The following C3AR1 variants were observed in gnomAD, a reference collection of about 807,000 sequenced individuals.
The protein encoded by C3AR1 is complement C3a receptor 1, also known as C3a anaphylatoxin chemotactic receptor.
For missense variants in C3AR1, 579 were observed against 583.5 expected (o/e 0.99, Z 0.08); for synonymous variants, 208 against 225.3 (o/e 0.92, Z 0.69).
Position 8,060,119 on chromosome 12 carries a change from C to T in C3AR1, c.67G>A (p.Val23Ile), listed in dbSNP as rs767599737. 3.1e-6 allele frequency: 5 copies of T among 1,614,066 alleles called. No homozygotes were observed. In the South Asian group the frequency reaches 5.5e-5, roughly 18 times the overall value. The change falls in exon 2 of 2, where the codon GTA becomes ATA. Residue 23 changes from valine (V) to isoleucine (I), a missense_variant. Transcript: ENST00000307637. ...LLSQPWNEPP[V>I]ILSMVILSLT... Reference sequence around the variant, plus strand: ...CTGAGAATGACCATGGAGAGAATTACTGGGGGCTCATTCCATGGCTGTGAG... The same window carrying T: ...CTGAGAATGACCATGGAGAGAATTATTGGGGGCTCATTCCATGGCTGTGAG...
At chr12:8,063,117 C>T (rs754982710) in intron 1 of C3AR1, among the ~76,000 whole-genome samples, 1 of 151,006 alleles carries the variant, frequency 6.6e-6, no homozygotes, top group Non-Finnish European at 1.5e-5. Context: ...ACCACCACGC[C>T]CGGCTAATTT....
rs142478022 is a variant in C3AR1, at chr12:8,059,715, C to T, written c.471G>A (p.Val157=). 5.9e-5 allele frequency: 95 copies of T among 1,614,130 alleles called. No individual in the cohort carries two copies. The East Asian group carries it at 2.1e-3, about 36-fold the overall frequency. Residue 157 remains valine, a synonymous_variant, in exon 2 of 2, where the codon GTG becomes GTA. Transcript: ENST00000307637. ...TAGTGAAGATTTCCCGGTACACGAA[C>T]ACAGGAATGCACATCACAAAAGCCA... ...WVVAFVMCIP[V]FVYREIFTTD... is the part of the protein sequence containing the mutation.
rs1031618961 is a variant in C3AR1, at chr12:8,057,971, G to A, written c.*766C>T. On this transcript the variant is annotated 3_prime_UTR_variant, in exon 2 of 2. Transcript: ENST00000307637. ...AGGAGTGGAAAATAGGTGCCCAACC[G>A]GTAGGCAGTTAGAAGAAACAGAACT... Among the ~76,000 whole-genome samples, 2 of 152,156 alleles carry A rather than the reference G, an allele frequency of 1.3e-5. No homozygotes were observed. The highest frequency in any genetic ancestry group is 4.8e-5 in the African/African-American group (2 of 41,424).
chr12:8,059,789 G>T lies in C3AR1; in HGVS notation c.397C>A (p.His133Asn). 6.2e-7 allele frequency: 1 copy of T among 1,614,132 alleles called. No homozygotes were observed. Among genetic ancestry groups the T allele is most frequent in the Non-Finnish European group, 8.5e-7 (1 of 1,180,026 alleles). ...GAGCAGGCCATCCCTACATTGCGAT[G>T]ATTCTGACACCAGATTGGCTTGAAT... ...VVFKPIWCQNHRNVGMACSIC... is the reference protein window; with the variant it reads ...VVFKPIWCQNNRNVGMACSIC... Residue 133 changes from histidine to asparagine, a missense_variant, in exon 2 of 2, where the codon CAT becomes AAT. His to Asn is a moderately conservative substitution (Grantham distance 68). Transcript: ENST00000307637.
In C3AR1 at chr12:8,066,313, C is replaced by G. The variant is rs1180660258; in HGVS notation, c.-46G>C. 6.6e-6 allele frequency: 1 copy of G among 152,182 alleles called. No individual in the cohort carries two copies. Among genetic ancestry groups the G allele is most frequent in the African/African-American group, 2.4e-5 (1 of 41,438 alleles). The allele number at this position is 152,182 out of a possible 1,614,324, so 9.4% of individuals were successfully genotyped here. ...AGACAGTAGCTGAAGGCTTCAGCAC[C>G]TGGATGTCTCCACGAGTCCTGTCTG... On this transcript the variant is annotated 5_prime_UTR_variant, in exon 1 of 2. Coordinates refer to ENST00000307637, the MANE Select transcript of C3AR1 (RefSeq NM_004054.4).
At position 8,064,131 on chromosome 12, in the gene C3AR1, C is replaced by CT. The variant is rs886868009; in HGVS notation, c.-11+2146dup. Among the ~76,000 whole-genome samples the CT allele has an allele frequency of 4.0e-5, 6 of 151,364 alleles. No homozygotes were observed. In the East Asian group the frequency reaches 1.2e-3, roughly 29 times the overall value. On this transcript the variant is annotated intron_variant, in intron 1 of 1. Transcript: ENST00000307637. ...GATGGATGCCCATTTTGGGGGTTGA[C>CT]TTTTTTTTTCTTTTGCAATTACATC...
rs1297907278 is a variant in C3AR1, at chr12:8,058,680, A to C, written c.*57T>G. The C allele has an allele frequency of 7.2e-6, 11 of 1,534,900 alleles. No individual in the cohort carries two copies. Among genetic ancestry groups the C allele is most frequent in the Non-Finnish European group, 9.6e-6 (11 of 1,141,266 alleles). ...GCTCACCATATCACTTCATCCTCTT[A>C]TAAACTTTCACTATGTGATTGCCTA... On this transcript the variant is annotated 3_prime_UTR_variant, in exon 2 of 2. Coordinates refer to ENST00000307637, the MANE Select transcript of C3AR1 (RefSeq NM_004054.4).
In C3AR1 at chr12:8,057,884, A is replaced by T. The variant is rs1947208696; in HGVS notation, c.*853T>A. On this transcript the variant is annotated 3_prime_UTR_variant, in exon 2 of 2. Transcript: ENST00000307637. ...CGAAATTAGAGGTTGTTTGAGGCAC[A>T]AAGTCTGATGTGGAAGATTTGGAGG... Among the ~76,000 whole-genome samples, 3 of 152,178 alleles carry T rather than the reference A, an allele frequency of 2.0e-5. 1 individual carries two copies. The South Asian group carries it at 6.2e-4, about 32-fold the overall frequency.
intron 1 of C3AR1, among the ~76,000 whole-genome samples, chr12:8,064,902 T>G (rs1046987368): frequency 1.3e-5 from 2 of 151,850 alleles, no homozygotes; most frequent in Non-Finnish European, 2.9e-5. Context: ...TTTGTAGAGA[T>G]AGGGTCTTGC....
chr12:8,062,639 T>A (rs2120397935), intron 1 of C3AR1, among the ~76,000 whole-genome samples: 1 of 152,254 alleles, frequency 6.6e-6, no homozygotes, highest in Middle Eastern at 3.4e-3. Flanking sequence ...GAACACTAAC[T>A]TCTTCTTTTT....
intron 1 of C3AR1, 72 bp from the exon 2 acceptor site, chr12:8,060,267 T>A: frequency 8.1e-7 from 1 of 1,235,614 alleles, no homozygotes; most frequent in South Asian, 1.5e-5. Context: ...CTTAGGATTC[T>A]AATCTTCCCA....
In C3AR1 at chr12:8,058,600, T is replaced by G. The variant is rs1947220137; in HGVS notation, c.*137A>C. 1.1e-6 allele frequency: 1 copy of G among 929,132 alleles called. No homozygotes were observed. The allele number at this position is 929,132 out of a possible 1,614,324, so 57.6% of individuals were successfully genotyped here. A position where few individuals can be genotyped will look rare whatever the true frequency, so the allele number is the denominator to read the frequency against. On this transcript the variant is annotated 3_prime_UTR_variant, in exon 2 of 2. Transcript: ENST00000307637. ...CTAGGTGATGCTGATGTCAATAGTC[T>G]GTGTACCGTTTGAGAACCGCTGGAT...
Position 8,057,766 on chromosome 12 carries a change from G to T in C3AR1, c.*971C>A, listed in dbSNP as rs973431909. Among the ~76,000 whole-genome samples the T allele has an allele frequency of 6.6e-6, 1 of 152,120 alleles. No homozygotes were observed. The highest frequency in any genetic ancestry group is 1.5e-5 in the Non-Finnish European group (1 of 68,018). On this transcript the variant is annotated 3_prime_UTR_variant, in exon 2 of 2. Coordinates refer to ENST00000307637, the MANE Select transcript of C3AR1 (RefSeq NM_004054.4). The stretch of plus-strand genomic sequence containing the variant: ...AGTTGCAGAGAGTAGAAGAATTGCT[G>T]CTCCATCCTCCACCCTCTTTCTCCT...
At position 8,059,565 on chromosome 12, in the gene C3AR1, C is replaced by A; in HGVS notation, c.621G>T (p.Met207Ile). 1 of 1,614,198 alleles carries A rather than the reference C, an allele frequency of 6.2e-7. No individual in the cohort carries two copies. Among genetic ancestry groups the A allele is most frequent in the Non-Finnish European group, 8.5e-7 (1 of 1,180,044 alleles). ...AAGAGGAAGGATCTAACCTATCATTCATTTCTCCAGGCGGCTGAACAATGT... is the reference window on the plus strand; with the variant it reads ...AAGAGGAAGGATCTAACCTATCATTAATTTCTCCAGGCGGCTGAACAATGT... ...LENIVQPPGE[M>I]NDRLDPSSFQ... The change falls in exon 2 of 2, where the codon ATG becomes ATT. Residue 207 changes from methionine to isoleucine, a missense_variant. Physicochemically the swap from Met to Ile is conservative, Grantham distance 10. Coordinates refer to ENST00000307637, the MANE Select transcript of C3AR1 (RefSeq NM_004054.4).
chr12:8,060,452 T>C (rs910083077), intron 1 of C3AR1, among the ~76,000 whole-genome samples: 2 of 152,192 alleles, frequency 1.3e-5, no homozygotes, highest in South Asian at 4.1e-4. Flanking sequence ...TGGAGTGCAG[T>C]GGATTGATTT....
At position 8,058,944 on chromosome 12, in the gene C3AR1, C is replaced by T; in HGVS notation, c.1242G>A (p.Met414Ile). ...GAGCAATGCATACATGATCCCAGGA[C>T]ATCAGAGTTTTCCCCAAGGGAGTTT... ...DPETPLGKTL[M>I]SWDHVCIALA... Residue 414 changes from methionine (M) to isoleucine (I), a missense_variant, in exon 2 of 2, where the codon ATG (methionine) becomes ATA (isoleucine). Transcript: ENST00000307637. 6.2e-7 allele frequency: 1 copy of T among 1,614,152 alleles called. No individual in the cohort carries two copies. The highest frequency in any genetic ancestry group is 8.5e-7 in the Non-Finnish European group (1 of 1,180,014).
At chr12:8,062,908 C>T (rs987332141) in intron 1 of C3AR1, among the ~76,000 whole-genome samples, 2 of 149,922 alleles carry the variant, frequency 1.3e-5, no homozygotes, top group Non-Finnish European at 2.9e-5. Context: ...CTCGGCCTCC[C>T]AAAGTGTTGG....
chr12:8,059,336 C>T lies in C3AR1; in HGVS notation c.850G>A (p.Asp284Asn). Reference protein sequence around the residue: ...PIEDHETSPLDNSDAFLSTHL... With the variant: ...PIEDHETSPLNNSDAFLSTHL... ...GTAGAGAGAAAAGCATCAGAGTTAT[C>T]CAGTGGGCTGGTTTCGTGATCTTCA... The change falls in exon 2 of 2, where the codon GAT (aspartate) becomes AAT (asparagine). Residue 284 changes from aspartate to asparagine, a missense_variant. By Grantham distance (23) the Asp-to-Asn change is conservative. Coordinates refer to ENST00000307637, the MANE Select transcript of C3AR1 (RefSeq NM_004054.4). 6.2e-7 allele frequency: 1 copy of T among 1,614,190 alleles called. No homozygotes were observed. Among genetic ancestry groups the T allele is most frequent in the Non-Finnish European group, 8.5e-7 (1 of 1,180,038 alleles).
rs753645012 is a variant in C3AR1 at position 8,058,602 on chromosome 12, T to C, written c.*135A>G. On this transcript the variant is annotated 3_prime_UTR_variant, in exon 2 of 2. Transcript: ENST00000307637. ...AGGTGATGCTGATGTCAATAGTCTG[T>C]GTACCGTTTGAGAACCGCTGGATTG... The C allele has an allele frequency of 3.8e-5, 36 of 945,490 alleles. No individual in the cohort carries two copies. The East Asian group carries it at 8.4e-4, about 22-fold the overall frequency. 58.6% of individuals were successfully genotyped at this position (945,490 alleles called of 1,614,324 possible). A position where few individuals can be genotyped will look rare whatever the true frequency, so the allele number is the denominator to read the frequency against.
Sources: gnomAD v4.1 joint callset for allele counts (sites outside exome capture counted in the v4.1 genomes callset) on GRCh38, gnomAD v4.1.1 for gene constraint, MANE v1.5 for transcripts, NCBI Gene and HGNC (gene_info 2026-07-23, HGNC 2026-07-21) for gene names.